The following PPARGC1A variants were observed in gnomAD, a reference collection of about 807,000 sequenced individuals.
PPARGC1A encodes the protein PPARG coactivator 1 alpha.
PPARGC1A carries 25 observed loss-of-function variants against 88.7 expected under a neutral mutation model. That is an observed-to-expected ratio of 0.28 (90% CI 0.21 to 0.39). The LOEUF (loss-of-function observed/expected upper bound fraction) is 0.39, where lower values mean the gene tolerates loss of function less well. Ranked by LOEUF, PPARGC1A falls within the 10% of genes least tolerant of loss-of-function variation. The pLI is 1.00. For synonymous variants in PPARGC1A, 363 were observed against 355.6 expected, an observed-to-expected ratio of 1.02 and a Z score of -0.24; for missense variants, 880 against 968.7, an observed-to-expected ratio of 0.91 and a Z score of 1.22.
At chr4:24,199,987 T>A in the PPARGC1A span, among the ~76,000 whole-genome samples, 1 of 152,066 alleles carries the variant, frequency 6.6e-6, no homozygotes, top group Non-Finnish European at 1.5e-5. Context: ...AACACGAGAA[T>A]AGGAATCTAT....
the PPARGC1A span, among the ~76,000 whole-genome samples, chr4:24,227,236 C>T: frequency 2.0e-5 from 3 of 151,994 alleles, no homozygotes; most frequent in African/African-American, 7.2e-5. Flanking sequence ...AGGCACACGC[C>T]GCCATGCCCA....
At chr4:24,050,909 C>A in the PPARGC1A span, among the ~76,000 whole-genome samples, 8 of 152,070 alleles carry the variant, frequency 5.3e-5, no homozygotes, top group African/African-American at 1.9e-4. Context: ...AGGTCTGGGC[C>A]GGGCGCAGTG....
At chr4:23,812,615 G>A (rs1266411982) in intron 10 of PPARGC1A, 132 bp downstream of exon 10, 2 of 1,408,960 alleles carry the variant, frequency 1.4e-6, no homozygotes, top group Admixed American at 2.3e-5. Context: ...ATATTTTAAA[G>A]CCAAAAGGCT....
chr4:23,844,657 TATATC>T (rs1207858770), intron 2 of PPARGC1A, among the ~76,000 whole-genome samples: 5 of 105,720 alleles, frequency 4.7e-5, no homozygotes, highest in Non-Finnish European at 6.8e-5. Flanking sequence ...TTATATGATA[TATATC>T]ATATATTATA....
intron 7 of PPARGC1A, among the ~76,000 whole-genome samples, chr4:23,819,637 C>A (rs1168066092): frequency 1.3e-5 from 2 of 151,904 alleles, no homozygotes; most frequent in African/African-American, 4.8e-5. Context: ...GGTACCATTT[C>A]CAGAGAAGAA....
the PPARGC1A span, among the ~76,000 whole-genome samples, chr4:24,387,808 GAA>G: frequency 1.8e-4 from 19 of 107,570 alleles, no homozygotes; most frequent in South Asian, 1.7e-3. Context: ...AAGAAAGAAA[GAA>G]AGAAAGAAAG....
the PPARGC1A span, among the ~76,000 whole-genome samples, chr4:24,160,401 A>G: frequency 6.6e-6 from 1 of 152,204 alleles, no homozygotes; most frequent in Non-Finnish European, 1.5e-5. Flanking sequence ...AAGTATTAGC[A>G]TCGTATATTG....
the PPARGC1A span, among the ~76,000 whole-genome samples, chr4:24,462,667 A>G: frequency 2.4e-4 from 36 of 151,554 alleles, 1 homozygote; most frequent in Non-Finnish European, 1.5e-4. Context: ...GCACTTTAAA[A>G]TGTCTCTGGA....
the PPARGC1A span, among the ~76,000 whole-genome samples, chr4:24,172,017 CTA>C: frequency 6.6e-6 from 1 of 152,170 alleles, no homozygotes; most frequent in South Asian, 2.1e-4. Flanking sequence ...TAGCCAGGCA[CTA>C]TCTTACCATT....
chr4:24,351,825 GT>G, the PPARGC1A span, among the ~76,000 whole-genome samples: 10 of 150,730 alleles, frequency 6.6e-5, no homozygotes, highest in Admixed American at 1.3e-4. Context: ...TTGTTTTTTT[GT>G]TTTTTTTTAA....
the PPARGC1A span, among the ~76,000 whole-genome samples, chr4:24,057,478 T>C: frequency 7.0e-6 from 1 of 143,162 alleles, no homozygotes; most frequent in Non-Finnish European, 1.5e-5. Flanking sequence ...AAAAAAGCCA[T>C]GGGGACAGCC....
chr4:24,433,490 T>C, the PPARGC1A span, among the ~76,000 whole-genome samples: 1 of 152,222 alleles, frequency 6.6e-6, no homozygotes, highest in African/African-American at 2.4e-5. Context: ...TTTTAACCCA[T>C]GCTAATTATC....
At chr4:24,424,004 T>G in the PPARGC1A span, among the ~76,000 whole-genome samples, 1 of 152,170 alleles carries the variant, frequency 6.6e-6, no homozygotes, top group African/African-American at 2.4e-5. Context: ...TAATACAGTA[T>G]TTAAAACTAA....
the PPARGC1A span, among the ~76,000 whole-genome samples, chr4:24,153,531 G>T: frequency 1.3e-5 from 2 of 152,166 alleles, no homozygotes; most frequent in African/African-American, 4.8e-5. Context: ...GGAGACATAT[G>T]CCAGTTGACA....
At chr4:24,002,494 TCTC>T in the PPARGC1A span, among the ~76,000 whole-genome samples, 1 of 152,048 alleles carries the variant, frequency 6.6e-6, no homozygotes, top group African/African-American at 2.4e-5. Context: ...GAATTACTAA[TCTC>T]CTTGCAATGT....
At chr4:23,848,181 G>A (rs1469406991) in intron 2 of PPARGC1A, among the ~76,000 whole-genome samples, 1 of 152,138 alleles carries the variant, frequency 6.6e-6, no homozygotes, top group Non-Finnish European at 1.5e-5. Context: ...AAAATGTAGT[G>A]CTAAATATTC....
At chr4:24,343,325 C>A in the PPARGC1A span, among the ~76,000 whole-genome samples, 1 of 152,102 alleles carries the variant, frequency 6.6e-6, no homozygotes, top group East Asian at 1.9e-4. Flanking sequence ...CTTTAGAAGG[C>A]GATTGGGCCA....
chr4:24,335,709 T>A, the PPARGC1A span, among the ~76,000 whole-genome samples: 45 of 152,162 alleles, frequency 3.0e-4, no homozygotes, highest in African/African-American at 1.1e-3. Context: ...AGTGTTTGGG[T>A]CTAGACAACA....
chr4:24,049,633 A>G, the PPARGC1A span, among the ~76,000 whole-genome samples: 3 of 152,110 alleles, frequency 2.0e-5, no homozygotes, highest in African/African-American at 4.8e-5. Flanking sequence ...AAACAAATTA[A>G]TATCAATGAC....
Sources: allele counts gnomAD v4.1 joint callset (sites outside exome capture counted in the v4.1 genomes callset), GRCh38; gene constraint gnomAD v4.1.1; transcripts MANE v1.5; gene names NCBI Gene and HGNC (gene_info 2026-07-23, HGNC 2026-07-21).